The following CBFB variants were observed in gnomAD, a reference collection of about 807,000 sequenced individuals.
The protein encoded by CBFB is CBF-beta.
Under a neutral mutation model 30.4 loss-of-function variants are expected in CBFB, and 9 were observed. That is an observed-to-expected ratio of 0.30 (90% CI 0.18 to 0.52). The LOEUF (loss-of-function observed/expected upper bound fraction) is 0.52. Among genes scored for constraint, CBFB ranks in the 20% least tolerant of loss-of-function variants. CBFB has a pLI of 0.97. For synonymous variants in CBFB, 94 were observed against 84.0 expected (o/e 1.12, Z -0.65); for missense variants, 170 against 244.0 (o/e 0.70, Z 2.02).
chr16:67,073,708 C>G (rs146051595), intron 4 of CBFB, among the ~76,000 whole-genome samples: 1 of 152,112 alleles, frequency 6.6e-6, no homozygotes, highest in Non-Finnish European at 1.5e-5. Context: ...TGCCATTGCA[C>G]TCCAGCCTGG....
rs75157831 is a variant in CBFB, at chr16:67,065,640, A to G, written c.283-1042A>G. 6.5e-3 allele frequency among the ~76,000 whole-genome samples: 992 copies of G among 152,308 alleles called. 34 individuals are homozygous for G. In the East Asian group the frequency reaches 0.071, roughly 11 times the overall value. The stretch of plus-strand genomic sequence containing the variant: ...TGATCCTCACACCTTGGCCTCCCAA[A>G]GTACTGGGATAACAGGCATTAGCCA... On this transcript the variant is annotated intron_variant, in intron 3 of 5. Coordinates refer to ENST00000412916, the MANE Select transcript of CBFB (RefSeq NM_022845.3).
chr16:67,070,482 A>G (rs1339608301), intron 4 of CBFB, among the ~76,000 whole-genome samples: 3 of 152,210 alleles, frequency 2.0e-5, no homozygotes, highest in African/African-American at 7.2e-5. Context: ...CTAAAAGTCT[A>G]TTTTCTGTTA....
At chr16:67,088,733 T>TAA (rs1961797276) in intron 5 of CBFB, among the ~76,000 whole-genome samples, 1 of 152,188 alleles carries the variant, frequency 6.6e-6, no homozygotes. Context: ...AGCAAGTCAG[T>TAA]AAACGGCCTG....
intron 2 of CBFB, among the ~76,000 whole-genome samples, chr16:67,033,977 C>T (rs891087878): frequency 1.3e-5 from 2 of 151,438 alleles, no homozygotes; most frequent in Non-Finnish European, 2.9e-5. Context: ...TACAGGCGCA[C>T]ACCACCACAC....
chr16:67,031,466 G>A (rs1966345807), intron 2 of CBFB, among the ~76,000 whole-genome samples: 2 of 152,224 alleles, frequency 1.3e-5, no homozygotes, highest in East Asian at 1.9e-4. Context: ...GGAGGTAAAG[G>A]ATGCAAGTAT....
chr16:67,029,752 G>A lies in CBFB; in HGVS notation c.104G>A (p.Arg35Gln), dbSNP rs1484489953. The A allele has an allele frequency of 1.9e-6, 3 of 1,595,754 alleles. No homozygotes were observed. Among genetic ancestry groups the A allele is most frequent in the Non-Finnish European group, 2.6e-6 (3 of 1,172,720 alleles). The change falls in exon 2 of 6, where the codon CGG becomes CAG. Residue 35 changes from arginine to glutamine, a missense_variant. Transcript: ENST00000412916. ...CEIKYTGFRD[R>Q]PHEERQARFQ... ...ATTAAGTACACGGGCTTCAGGGACC[G>A]GCCCCACGAGGAACGCCAGGCACGC...
rs1306449338 is a variant in CBFB at position 67,049,498 on chromosome 16, G to A, written c.282+12743G>A. On this transcript the variant is annotated intron_variant, in intron 3 of 5. Coordinates refer to ENST00000412916, the MANE Select transcript of CBFB (RefSeq NM_022845.3). ...ATTATAAGCGTGAGCCACCGCGCCCGGCCCCATTCTGTTTATTTTTGAGAC... is the reference window on the plus strand; with the variant it reads ...ATTATAAGCGTGAGCCACCGCGCCCAGCCCCATTCTGTTTATTTTTGAGAC... Among the ~76,000 whole-genome samples, 5 of 152,066 alleles carry A rather than the reference G, an allele frequency of 3.3e-5. No homozygotes were observed. In the South Asian group the frequency reaches 6.3e-4, roughly 19 times the overall value.
intron 2 of CBFB, among the ~76,000 whole-genome samples, chr16:67,030,483 C>T (rs375835512): frequency 6.6e-6 from 1 of 151,824 alleles, no homozygotes; most frequent in African/African-American, 2.4e-5. Flanking sequence ...GCGTCTTCAC[C>T]AGACCTTGGG....
chr16:67,097,983 C>T (rs1268046451), intron 5 of CBFB, among the ~76,000 whole-genome samples: 3 of 152,120 alleles, frequency 2.0e-5, no homozygotes, highest in Non-Finnish European at 4.4e-5. Context: ...CAACAGTGCC[C>T]GCAGACAGCT....
chr16:67,060,765 G>A (rs1960890148), intron 3 of CBFB, among the ~76,000 whole-genome samples: 1 of 152,104 alleles, frequency 6.6e-6, no homozygotes, highest in Non-Finnish European at 1.5e-5. Context: ...ATGTTGGTCA[G>A]GCTGATCTCA....
chr16:67,029,472 G>A lies in CBFB; in HGVS notation c.65G>A (p.Ser22Asn), dbSNP rs769625293. 3.1e-6 allele frequency: 5 copies of A among 1,590,790 alleles called. No homozygotes were observed. Among genetic ancestry groups the A allele is most frequent in the Non-Finnish European group, 3.4e-6 (4 of 1,169,964 alleles). ...AACGAGGAGTTTTTTAGGAAGCTGA[G>A]CCGCGAGTGTGAGGTGAGGCAGGCG... ...FENEEFFRKL[S>N]RECEIKYTGF... The change falls in exon 1 of 6, where the codon AGC (serine) becomes AAC (asparagine). Residue 22 changes from serine to asparagine, a missense_variant. Ser to Asn is a conservative substitution (Grantham distance 46, BLOSUM62 1). Coordinates refer to ENST00000412916, the MANE Select transcript of CBFB (RefSeq NM_022845.3).
chr16:67,040,008 AAAG>A (rs1966503937), intron 3 of CBFB, among the ~76,000 whole-genome samples: 1 of 152,206 alleles, frequency 6.6e-6, no homozygotes, highest in African/African-American at 2.4e-5. Flanking sequence ...AGAAGAAAAA[AAAG>A]CATTTTAAGG....
intron 3 of CBFB, among the ~76,000 whole-genome samples, chr16:67,053,337 T>G (rs1455727451): frequency 6.9e-6 from 1 of 145,676 alleles, no homozygotes; most frequent in Non-Finnish European, 1.5e-5. Flanking sequence ...CACTGCAAGC[T>G]CCGCCTCCTG....
chr16:67,096,346 G>T (rs1247591364), intron 5 of CBFB, among the ~76,000 whole-genome samples: 3 of 151,886 alleles, frequency 2.0e-5, no homozygotes. Flanking sequence ...TTAATTCATG[G>T]AAAGTACTTA....
At chr16:67,052,629 A>C (rs1266924461) in intron 3 of CBFB, among the ~76,000 whole-genome samples, 1 of 151,978 alleles carries the variant, frequency 6.6e-6, no homozygotes, top group African/African-American at 2.4e-5. Flanking sequence ...TGTGGCTTGC[A>C]TTTGTGATTC....
At chr16:67,075,197 A>AATG (rs1555538290) in intron 4 of CBFB, among the ~76,000 whole-genome samples, 1 of 142,662 alleles carries the variant, frequency 7.0e-6, no homozygotes, top group South Asian at 2.3e-4. Context: ...CTCAAAAAAA[A>AATG]TGTGTGTGTG....
At chr16:67,040,417 G>T (rs1452381111) in intron 3 of CBFB, among the ~76,000 whole-genome samples, 2 of 152,192 alleles carry the variant, frequency 1.3e-5, no homozygotes, top group Non-Finnish European at 2.9e-5. Flanking sequence ...TTAAGTTCTG[G>T]CTTCTGCATT....
At chr16:67,081,608 C>T (rs1350803798) in intron 4 of CBFB, among the ~76,000 whole-genome samples, 2 of 151,918 alleles carry the variant, frequency 1.3e-5, no homozygotes, top group Non-Finnish European at 1.5e-5. Flanking sequence ...TTGAGACCAG[C>T]CTGGTCAACA....
At chr16:67,030,749 GC>G (rs1225425064) in intron 2 of CBFB, among the ~76,000 whole-genome samples, 1 of 152,036 alleles carries the variant, frequency 6.6e-6, no homozygotes, top group Non-Finnish European at 1.5e-5. Flanking sequence ...ACAGGTGCCT[GC>G]CACCACGCCC....
Sources: gnomAD v4.1 joint callset for allele counts (sites outside exome capture counted in the v4.1 genomes callset) on GRCh38, gnomAD v4.1.1 for gene constraint, MANE v1.5 for transcripts, NCBI Gene and HGNC (gene_info 2026-07-23, HGNC 2026-07-21) for gene names.